Variants in UNC5B observed in about 807,000 individuals in gnomAD.
UNC5B encodes netrin receptor UNC5B.
Under a neutral mutation model 103.7 loss-of-function variants are expected in UNC5B, and 56 were observed. The observed-to-expected ratio is 0.54, with a 90% CI of 0.44 to 0.67. The LOEUF (loss-of-function observed/expected upper bound fraction) is 0.67, where lower values mean the gene tolerates loss of function less well. UNC5B is among the 30% of genes least tolerant of loss of function. The pLI is 0.00. For missense variants in UNC5B, 1,194 were observed against 1,284.5 expected (o/e 0.93, Z 1.08); for synonymous variants, 577 against 542.0 (o/e 1.06, Z -0.90).
chr10:71,247,734 G>A (rs1844071087), intron 1 of UNC5B, among the ~76,000 whole-genome samples: 1 of 152,182 alleles, frequency 6.6e-6, no homozygotes, highest in Admixed American at 6.5e-5. Flanking sequence ...GGAGTTCTGT[G>A]CCATAGAACA....
intron 1 of UNC5B, among the ~76,000 whole-genome samples, chr10:71,223,765 C>T (rs893878791): frequency 1.3e-5 from 2 of 152,256 alleles, no homozygotes; most frequent in African/African-American, 4.8e-5. Context: ...CTTCTCCCCA[C>T]CTTGCCTTCT....
In UNC5B at chr10:71,279,836, G is replaced by A. The variant is rs1354879913; in HGVS notation, c.95G>A (p.Ser32Asn). 6.2e-7 allele frequency: 1 copy of A among 1,613,270 alleles called. No homozygotes were observed. The highest frequency in any genetic ancestry group is 8.5e-7 in the Non-Finnish European group (1 of 1,179,812). Reference protein sequence around the residue: ...RLSQAGTDSGSEVLPDSFPSA... With the variant: ...RLSQAGTDSGNEVLPDSFPSA... ...CACTCTGCAGGCACTGATTCTGGCAGCGAGGTGCTCCCTGACTCCTTCCCG... is the reference window on the plus strand; with the variant it reads ...CACTCTGCAGGCACTGATTCTGGCAACGAGGTGCTCCCTGACTCCTTCCCG... The change falls in exon 2 of 17, where the codon AGC (serine) becomes AAC (asparagine). Residue 32 changes from serine (S) to asparagine (N), a missense_variant. By Grantham distance (46) the Ser-to-Asn change is conservative. Transcript: ENST00000335350.
intron 1 of UNC5B, among the ~76,000 whole-genome samples, chr10:71,215,449 C>T (rs1284502816): frequency 6.6e-6 from 1 of 152,184 alleles, no homozygotes; most frequent in Non-Finnish European, 1.5e-5. Context: ...GCAGGCACCT[C>T]TCTCTCCTTT....
intron 1 of UNC5B, among the ~76,000 whole-genome samples, chr10:71,233,865 C>T (rs1190281296): frequency 6.6e-6 from 1 of 152,254 alleles, no homozygotes; most frequent in Non-Finnish European, 1.5e-5. Context: ...CCAACTCCTG[C>T]AGGAGGCCAG....
At chr10:71,268,117 A>G (rs961515587) in intron 1 of UNC5B, among the ~76,000 whole-genome samples, 4 of 152,236 alleles carry the variant, frequency 2.6e-5, no homozygotes, top group African/African-American at 4.8e-5. Flanking sequence ...CAGGAATCCA[A>G]GTGGCTTCCA....
chr10:71,239,024 C>T (rs957634123), intron 1 of UNC5B, among the ~76,000 whole-genome samples: 8 of 152,144 alleles, frequency 5.3e-5, no homozygotes, highest in African/African-American at 1.9e-4. Flanking sequence ...ACACCCTGTT[C>T]ATTTCCCTGC....
intron 1 of UNC5B, among the ~76,000 whole-genome samples, chr10:71,227,060 C>T (rs1253743397): frequency 1.3e-5 from 2 of 151,456 alleles, no homozygotes; most frequent in African/African-American, 4.9e-5. Context: ...AATTGGCTCA[C>T]TACAACCTCC....
At chr10:71,277,799 G>A (rs1440746308) in intron 1 of UNC5B, among the ~76,000 whole-genome samples, 3 of 152,196 alleles carry the variant, frequency 2.0e-5, no homozygotes, top group African/African-American at 4.8e-5. Flanking sequence ...GTGGCCTCGG[G>A]CAAGTCATGG....
intron 13 of UNC5B, among the ~76,000 whole-genome samples, chr10:71,294,210 GGGCT>G (rs1359196949): frequency 6.6e-6 from 1 of 152,230 alleles, no homozygotes; most frequent in Non-Finnish European, 1.5e-5. Flanking sequence ...GGAGGGGCTT[GGGCT>G]GGTAGGGAGG....
intron 1 of UNC5B, among the ~76,000 whole-genome samples, chr10:71,269,348 C>CCCA (rs762918104): frequency 2.8e-5 from 4 of 143,414 alleles, no homozygotes; most frequent in Non-Finnish European, 4.6e-5. Flanking sequence ...TGAAGTCCCC[C>CCCA]CCCCACAACT....
At chr10:71,275,104 T>C (rs1844737863) in intron 1 of UNC5B, among the ~76,000 whole-genome samples, 3 of 152,222 alleles carry the variant, frequency 2.0e-5, no homozygotes, top group Non-Finnish European at 4.4e-5. Flanking sequence ...CAGCGATCTT[T>C]CGTGTCCTTC....
chr10:71,245,714 C>A (rs1844015926), intron 1 of UNC5B, among the ~76,000 whole-genome samples: 1 of 152,192 alleles, frequency 6.6e-6, no homozygotes, highest in African/African-American at 2.4e-5. Flanking sequence ...CCTGTGAGTC[C>A]CTGCTCCACC....
chr10:71,252,692 A>G (rs1844200458), intron 1 of UNC5B, among the ~76,000 whole-genome samples: 3 of 152,248 alleles, frequency 2.0e-5, no homozygotes, highest in Non-Finnish European at 2.9e-5. Flanking sequence ...AAACAGACTC[A>G]GAGAGGTGAA....
intron 1 of UNC5B, among the ~76,000 whole-genome samples, chr10:71,273,265 A>C (rs1298111965): frequency 6.6e-6 from 1 of 152,260 alleles, no homozygotes; most frequent in East Asian, 1.9e-4. Flanking sequence ...AAGTTGACAG[A>C]GCAGGAACTG....
chr10:71,269,870 G>A (rs1047804423), intron 1 of UNC5B, among the ~76,000 whole-genome samples: 2 of 152,184 alleles, frequency 1.3e-5, no homozygotes, highest in African/African-American at 2.4e-5. Context: ...GTCAGGGAAG[G>A]CCTCACTGGA....
In UNC5B at chr10:71,280,020, A is replaced by G. The variant is rs748729237; in HGVS notation, c.279A>G (p.Thr93=). The change falls in exon 2 of 17, where the codon ACA becomes ACG. Residue 93 remains threonine, a synonymous_variant. Transcript: ENST00000335350. ...GGGTCAGCCAGAACGACCACGTCACACAGGAAGGCCTGGATGAGGCCACCG... is the reference window on the plus strand; with the variant it reads ...GGGTCAGCCAGAACGACCACGTCACGCAGGAAGGCCTGGATGAGGCCACCG... ...GEWVSQNDHV[T]QEGLDEATGL... is the part of the protein sequence containing the mutation. 6.2e-7 allele frequency: 1 copy of G among 1,614,016 alleles called. No individual in the cohort carries two copies. The highest frequency in any genetic ancestry group is 1.7e-4 in the Middle Eastern group (1 of 6,060).
At chr10:71,242,016 G>C (rs1352557527) in intron 1 of UNC5B, among the ~76,000 whole-genome samples, 1 of 152,112 alleles carries the variant, frequency 6.6e-6, no homozygotes, top group Non-Finnish European at 1.5e-5. Context: ...CACACGACCT[G>C]GTGCTCAGAG....
intron 1 of UNC5B, among the ~76,000 whole-genome samples, chr10:71,251,660 G>C (rs115333080): frequency 2.0e-3 from 299 of 152,210 alleles, no homozygotes; most frequent in African/African-American, 7.0e-3. Context: ...TAAAGTTGCA[G>C]AGTATACATG....
chr10:71,234,446 A>T (rs1410123538), intron 1 of UNC5B, among the ~76,000 whole-genome samples: 6 of 152,254 alleles, frequency 3.9e-5, no homozygotes, highest in African/African-American at 1.4e-4. Flanking sequence ...TATGAAAAGG[A>T]CCTTCACCAT....
Sources: allele counts gnomAD v4.1 joint callset (sites outside exome capture counted in the v4.1 genomes callset), GRCh38; gene constraint gnomAD v4.1.1; transcripts MANE v1.5; gene names NCBI Gene and HGNC (gene_info 2026-07-23, HGNC 2026-07-21).